EFCAB13: variants seen among roughly 807,000 people sequenced by gnomAD.
EFCAB13 encodes EF-hand calcium-binding domain-containing protein 13.
Under a neutral mutation model 110.2 loss-of-function variants are expected in EFCAB13, and 91 were observed. The observed-to-expected ratio is 0.83, with a 90% CI of 0.70 to 0.98. The LOEUF is 0.98. Among genes scored for constraint, EFCAB13 ranks in the 50% least tolerant of loss-of-function variants. The pLI, the probability that EFCAB13 is intolerant of heterozygous loss-of-function variation, is 0.00. For missense variants in EFCAB13, 968 were observed against 1,119.4 expected (o/e 0.86, Z 1.93); for synonymous variants, 323 against 369.9 (o/e 0.87, Z 1.45).
At chr17:47,386,673 T>G (rs1289627911) in intron 14 of EFCAB13, among the ~76,000 whole-genome samples, 2 of 152,002 alleles carry the variant, frequency 1.3e-5, no homozygotes, top group Non-Finnish European at 2.9e-5. Context: ...CAGGTGCCTC[T>G]GGGGTACAAA....
At chr17:47,328,443 A>G (rs1490828990) in intron 4 of EFCAB13, 60 bp downstream of exon 4, 3 of 1,321,972 alleles carry the variant, frequency 2.3e-6, no homozygotes, top group East Asian at 2.3e-5. Context: ...ATTAGTTTAC[A>G]TTACCTCATA....
intron 23 of EFCAB13, among the ~76,000 whole-genome samples, chr17:47,419,379 T>TGCCA (rs1904554380): frequency 6.6e-6 from 1 of 152,106 alleles, no homozygotes; most frequent in African/African-American, 2.4e-5. Flanking sequence ...GGCCAGGAAT[T>TGCCA]TGAGACCAGC....
intron 14 of EFCAB13, among the ~76,000 whole-genome samples, chr17:47,386,680 C>A (rs551300794): frequency 6.6e-6 from 1 of 151,110 alleles, no homozygotes; most frequent in Non-Finnish European, 1.5e-5. Flanking sequence ...CTCTGGGGTA[C>A]AAAAAAAAAC....
chr17:47,439,317 C>T (rs1167894939), intron 24 of EFCAB13, among the ~76,000 whole-genome samples: 1 of 151,534 alleles, frequency 6.6e-6, no homozygotes, highest in African/African-American at 2.4e-5. Flanking sequence ...GCTGGGATTA[C>T]AGGCTCCTGC....
At chr17:47,379,156 ATAATC>A in intron 13 of EFCAB13, 21 bp from the exon 14 acceptor site, 2 of 1,585,566 alleles carry the variant, frequency 1.3e-6, no homozygotes, top group African/African-American at 2.7e-5. Flanking sequence ...ACCAGAATGT[ATAATC>A]TAAACTCTTT....
At chr17:47,325,841 G>A (rs1052106091) in intron 2 of EFCAB13, among the ~76,000 whole-genome samples, 2 of 135,290 alleles carry the variant, frequency 1.5e-5, no homozygotes, top group African/African-American at 5.3e-5. Context: ...CATACAATAT[G>A]TTTTATTTTT....
At chr17:47,355,440 G>A (rs947153888) in intron 9 of EFCAB13, among the ~76,000 whole-genome samples, 1 of 152,126 alleles carries the variant, frequency 6.6e-6, no homozygotes, top group African/African-American at 2.4e-5. Flanking sequence ...CAAGGCTGGG[G>A]AAGTTTCTCT....
intron 4 of EFCAB13, chr17:47,329,745 G>A (rs528493640): frequency 1.9e-4 from 29 of 151,974 alleles, no homozygotes; most frequent in Non-Finnish European, 2.6e-4. Context: ...CTTGGCCTTT[G>A]GTAACAGGTT....
Position 47,370,510 on chromosome 17 carries a change from T to C in EFCAB13, c.877+2T>C, listed in dbSNP as rs1567790207. 5.0e-6 allele frequency: 8 copies of C among 1,592,560 alleles called. No individual in the cohort carries two copies. The highest frequency in any genetic ancestry group is 6.0e-6 in the Non-Finnish European group (7 of 1,163,016). On this transcript the variant is annotated splice_donor_variant, in intron 11 of 24. Coordinates refer to ENST00000331493, the MANE Select transcript of EFCAB13 (RefSeq NM_152347.5). LOFTEE classifies it high-confidence loss of function. The stretch of plus-strand genomic sequence containing the variant: ...TACAGGAACAGTATGAGGATGTTTG[T>C]AAGTGAGCTCTTGTTGCTATGACAA...
At chr17:47,356,435 AGGGCTTCCTGGACAAG>A (rs555645857) in intron 9 of EFCAB13, among the ~76,000 whole-genome samples, 255 of 152,178 alleles carry the variant, frequency 1.7e-3, no homozygotes, top group African/African-American at 5.9e-3. Flanking sequence ...CCTGAGACAT[AGGGCTTCCTGGACAAG>A]GGGCTTCCTG....
intron 2 of EFCAB13, among the ~76,000 whole-genome samples, chr17:47,325,923 A>ATATATATATAT (rs2065280385): frequency 1.9e-5 from 2 of 102,564 alleles, no homozygotes; most frequent in African/African-American, 7.7e-5. Flanking sequence ...ATATAAACAA[A>ATATATATATAT]ATATATATAT....
intron 10 of EFCAB13, among the ~76,000 whole-genome samples, chr17:47,366,271 G>T (rs761777045): frequency 6.6e-6 from 1 of 151,986 alleles, no homozygotes; most frequent in Non-Finnish European, 1.5e-5. Flanking sequence ...AGTTCTTAGA[G>T]GGTCAGGTAT....
intron 18 of EFCAB13, 55 bp downstream of exon 18, chr17:47,402,258 T>A: frequency 3.3e-6 from 5 of 1,501,872 alleles, no homozygotes; most frequent in Non-Finnish European, 4.6e-6. Flanking sequence ...AAGGACTTGC[T>A]TTTGTTTTTG....
intron 6 of EFCAB13, among the ~76,000 whole-genome samples, chr17:47,342,609 T>C (rs2065392128): frequency 6.6e-6 from 1 of 152,212 alleles, no homozygotes; most frequent in African/African-American, 2.4e-5. Flanking sequence ...TATCCTTTTT[T>C]CCCCTCTGTC....
intron 9 of EFCAB13, among the ~76,000 whole-genome samples, chr17:47,360,075 G>T (rs977589872): frequency 4.0e-5 from 6 of 151,852 alleles, no homozygotes; most frequent in African/African-American, 1.2e-4. Context: ...GAATAGTGCC[G>T]CAATAAACAA....
At chr17:47,335,431 C>G in intron 5 of EFCAB13, 75 bp downstream of exon 5, 1 of 1,228,404 alleles carries the variant, frequency 8.1e-7, no homozygotes, top group Non-Finnish European at 1.1e-6. Flanking sequence ...GTAGCTGTGG[C>G]TTATGCGTTC....
intron 23 of EFCAB13, among the ~76,000 whole-genome samples, chr17:47,425,248 T>C (rs1249544530): frequency 6.6e-6 from 1 of 152,138 alleles, no homozygotes; most frequent in East Asian, 1.9e-4. Context: ...GATGTAAATA[T>C]ATTTGATGAG....
At chr17:47,421,641 G>GAAAAAAA (rs375256582) in intron 23 of EFCAB13, among the ~76,000 whole-genome samples, 1 of 129,376 alleles carries the variant, frequency 7.7e-6, no homozygotes, top group African/African-American at 2.9e-5. Context: ...AAGAAAGAAA[G>GAAAAAAA]AAAAAAAAAA....
rs2065602266 is a variant in EFCAB13, at chr17:47,374,460, TC to T, written c.878-11del. ...CAGGTAAATGAAATAATTGTATATTTCTCTTATTTAGCAATTACAGAAGGAT... is the reference window on the plus strand; with the variant it reads ...CAGGTAAATGAAATAATTGTATATTTTCTTATTTAGCAATTACAGAAGGAT... On this transcript the variant is annotated splice_polypyrimidine_tract_variant and intron_variant, in intron 11 of 24. Transcript: ENST00000331493. 2 of 1,464,396 alleles carry T rather than the reference TC, an allele frequency of 1.4e-6. No individual in the cohort carries two copies. The highest frequency in any genetic ancestry group is 1.8e-6 in the Non-Finnish European group (2 of 1,101,362). 90.7% of individuals were successfully genotyped at this position (1,464,396 alleles called of 1,614,324 possible).
Sources: allele counts gnomAD v4.1 joint callset (sites outside exome capture counted in the v4.1 genomes callset), GRCh38; gene constraint gnomAD v4.1.1; transcripts MANE v1.5; gene names NCBI Gene and HGNC (gene_info 2026-07-23, HGNC 2026-07-21).